G3BP1: variants seen among roughly 807,000 people sequenced by gnomAD.
G3BP1 encodes the protein ras GTPase-activating protein-binding protein 1.
Under a neutral mutation model 58.6 loss-of-function variants are expected in G3BP1, and 35 were observed. The observed-to-expected ratio is 0.60, with a 90% CI of 0.46 to 0.79. The LOEUF (loss-of-function observed/expected upper bound fraction) is 0.79, where lower values mean the gene tolerates loss of function less well. Among genes scored for constraint, G3BP1 ranks in the 30% least tolerant of loss-of-function variants. The pLI is 0.00. For synonymous variants in G3BP1, 191 were observed against 195.4 expected (o/e 0.98, Z 0.19); for missense variants, 523 against 580.8 (o/e 0.90, Z 1.02).
Position 151,790,324 on chromosome 5 carries a change from T to C in G3BP1, c.97T>C (p.Phe33Leu). The change falls in exon 3 of 12, where the codon TTT becomes CTT. Residue 33 changes from phenylalanine (F) to leucine (L), a missense_variant and splice_region_variant. Physicochemically the swap from Phe to Leu is conservative, Grantham distance 22. Around this residue, in one of 2 missense-constraint regions of G3BP1, gnomAD observed 398 missense variants for 399.1 expected, o/e 1.00. Transcript: ENST00000356245. ...LNQAPDMLHR[F>L]YGKNSSYVHG... ...GTAAATCATCTTCCCATTTTACAGA[T>C]TTTATGGAAAGAACTCTTCTTATGT... 6.6e-7 allele frequency: 1 copy of C among 1,521,006 alleles called. No homozygotes were observed. Among genetic ancestry groups the C allele is most frequent in the Non-Finnish European group, 9.0e-7 (1 of 1,115,864 alleles). 94.2% of individuals were successfully genotyped at this position (1,521,006 alleles called of 1,614,324 possible).
intron 1 of G3BP1, among the ~76,000 whole-genome samples, chr5:151,775,849 GT>G (rs891234163): frequency 1.3e-5 from 2 of 152,084 alleles, no homozygotes; most frequent in African/African-American, 2.4e-5. Context: ...GATTCCTGAA[GT>G]TTTTTTTCTT....
rs371814481 is a variant in G3BP1 at position 151,800,018 on chromosome 5, C to T, written c.955+18C>T. 36 of 1,483,602 alleles carry T rather than the reference C, an allele frequency of 2.4e-5. No individual in the cohort carries two copies. Among genetic ancestry groups the T allele is most frequent in the African/African-American group, 2.2e-4 (16 of 72,090 alleles). 91.9% of individuals were successfully genotyped at this position (1,483,602 alleles called of 1,614,324 possible). On this transcript the variant is annotated intron_variant, in intron 9 of 11. Transcript: ENST00000356245. ...CAGACCAAGTAAGAGCTCAGAAGGG[C>T]GATTTCTCGTTTGGGGGATTTTGAG... is the stretch of plus-strand genomic sequence containing the variant.
chr5:151,777,737 A>G (rs1243127208), intron 1 of G3BP1, among the ~76,000 whole-genome samples: 1 of 152,188 alleles, frequency 6.6e-6, no homozygotes, highest in African/African-American at 2.4e-5. Flanking sequence ...AAAAGAAGGT[A>G]TACCCATGAA....
At chr5:151,785,215 C>T (rs1762537510) in intron 1 of G3BP1, among the ~76,000 whole-genome samples, 1 of 152,182 alleles carries the variant, frequency 6.6e-6, no homozygotes, top group African/African-American at 2.4e-5. Flanking sequence ...GCTCAATACA[C>T]ATGCCTGAAG....
rs961411678 is a variant in G3BP1, at chr5:151,805,883, C to G, written c.*1792C>G. The G allele has an allele frequency of 6.6e-6, 1 of 152,118 alleles. No individual in the cohort carries two copies. The highest frequency in any genetic ancestry group is 2.4e-5 in the African/African-American group (1 of 41,394). The allele number at this position is 152,118 out of a possible 1,614,324, so 9.4% of individuals were successfully genotyped here. A position where few individuals can be genotyped will look rare whatever the true frequency, so the allele number is the denominator to read the frequency against. On this transcript the variant is annotated 3_prime_UTR_variant, in exon 12 of 12. Transcript: ENST00000356245. Reference sequence around the variant, plus strand: ...AAAAAAAATTACTTTGTGGTAACTTCAAGGTCATAAATTATGGATAGCCTA... The same window carrying G: ...AAAAAAAATTACTTTGTGGTAACTTGAAGGTCATAAATTATGGATAGCCTA...
chr5:151,788,134 G>A (rs1358863688), intron 2 of G3BP1, among the ~76,000 whole-genome samples: 2 of 151,668 alleles, frequency 1.3e-5, no homozygotes, highest in African/African-American at 2.4e-5. Context: ...GGCTGATCTC[G>A]AACTCCTGGG....
chr5:151,799,388 A>C lies in G3BP1; in HGVS notation c.843+75A>C, dbSNP rs190440385. On this transcript the variant is annotated intron_variant, in intron 8 of 11. Coordinates refer to ENST00000356245, the MANE Select transcript of G3BP1 (RefSeq NM_005754.3). ...GTAATTTGATTCAACAGAGGTTTAGAGAATGTGAAAACTGGTCAGGTGCAG... is the reference window on the plus strand; with the variant it reads ...GTAATTTGATTCAACAGAGGTTTAGCGAATGTGAAAACTGGTCAGGTGCAG... 6.7e-4 allele frequency: 553 copies of C among 823,180 alleles called. 2 individuals carry two copies. The African/African-American group carries it at 8.5e-3, about 13-fold the overall frequency. 51.0% of individuals were successfully genotyped at this position (823,180 alleles called of 1,614,324 possible). A position where few individuals can be genotyped will look rare whatever the true frequency, so the allele number is the denominator to read the frequency against.
At position 151,809,563 on chromosome 5, in the gene G3BP1, A is replaced by C. The variant is rs1762985989; in HGVS notation, c.*5472A>C. The C allele has an allele frequency of 6.6e-6, 1 of 152,208 alleles. No individual in the cohort carries two copies. The highest frequency in any genetic ancestry group is 2.1e-4 in the South Asian group (1 of 4,818). 9.4% of individuals were successfully genotyped at this position (152,208 alleles called of 1,614,324 possible). Reference sequence around the variant, plus strand: ...TTTCTTCTATTTTGGTTATTACCAAAAGGAACAGAGAAACTCTCAGAATTC... The same window carrying C: ...TTTCTTCTATTTTGGTTATTACCAACAGGAACAGAGAAACTCTCAGAATTC... On this transcript the variant is annotated 3_prime_UTR_variant, in exon 12 of 12. Coordinates refer to ENST00000356245, the MANE Select transcript of G3BP1 (RefSeq NM_005754.3).
intron 1 of G3BP1, among the ~76,000 whole-genome samples, chr5:151,782,331 T>G (rs934842942): frequency 1.3e-5 from 2 of 152,212 alleles, no homozygotes; most frequent in Admixed American, 6.5e-5. Flanking sequence ...TTGTTGTCTT[T>G]GAAATGTTTA....
At position 151,804,158 on chromosome 5, in the gene G3BP1, C is replaced by T. The variant is rs1762905439; in HGVS notation, c.*67C>T. 1.1e-5 allele frequency: 13 copies of T among 1,172,396 alleles called. No homozygotes were observed. The highest frequency in any genetic ancestry group is 1.5e-5 in the Non-Finnish European group (12 of 815,174). The allele number at this position is 1,172,396 out of a possible 1,614,324, so 72.6% of individuals were successfully genotyped here. ...AACAGAATGGTGAATTTTCGACAGC[C>T]TTTGGTATCTTGGAGTATGACCCCA... On this transcript the variant is annotated 3_prime_UTR_variant, in exon 12 of 12. Coordinates refer to ENST00000356245, the MANE Select transcript of G3BP1 (RefSeq NM_005754.3).
At position 151,808,182 on chromosome 5, in the gene G3BP1, T is replaced by C. The variant is rs1202127517; in HGVS notation, c.*4091T>C. ...TAATGCCTTTTGGGATTTATATTTG[T>C]TTAATGTTGAGATTCTGGGGACCAT... On this transcript the variant is annotated 3_prime_UTR_variant, in exon 12 of 12. Transcript: ENST00000356245. 1 of 152,210 alleles carries C rather than the reference T, an allele frequency of 6.6e-6. No homozygotes were observed. The highest frequency in any genetic ancestry group is 1.9e-4 in the East Asian group (1 of 5,206). The allele number at this position is 152,210 out of a possible 1,614,324, so 9.4% of individuals were successfully genotyped here.
At chr5:151,784,075 T>TTATTTA (rs985847042) in intron 1 of G3BP1, among the ~76,000 whole-genome samples, 1 of 152,096 alleles carries the variant, frequency 6.6e-6, no homozygotes, top group Non-Finnish European at 1.5e-5. Flanking sequence ...ATTTTTTAAT[T>TTATTTA]TATTTATATT....
intron 5 of G3BP1, among the ~76,000 whole-genome samples, chr5:151,794,593 C>T (rs1762718585): frequency 6.6e-6 from 1 of 152,218 alleles, no homozygotes; most frequent in African/African-American, 2.4e-5. Flanking sequence ...GCATGGGACA[C>T]TGAGTTTAGG....
intron 11 of G3BP1, 47 bp downstream of exon 11, chr5:151,800,916 G>A (rs757536804): frequency 1.1e-6 from 1 of 923,118 alleles, no homozygotes; most frequent in South Asian, 1.4e-5. Context: ...TTTAAAAAGG[G>A]TTTTGGTTCT....
chr5:151,790,429 G>T, intron 3 of G3BP1, 25 bp downstream of exon 3: 2 of 1,338,886 alleles, frequency 1.5e-6, no homozygotes, highest in Non-Finnish European at 2.1e-6. Flanking sequence ...CCTTATTTAG[G>T]CTGTTAAGCA....
At position 151,799,465 on chromosome 5, in the gene G3BP1, C is replaced by T. The variant is rs908751727; in HGVS notation, c.843+152C>T. 9.7e-6 allele frequency: 6 copies of T among 617,710 alleles called. No individual in the cohort carries two copies. In the East Asian group the frequency reaches 1.7e-4, roughly 17 times the overall value. The allele number at this position is 617,710 out of a possible 1,614,324, so 38.3% of individuals were successfully genotyped here. Reference sequence around the variant, plus strand: ...CTTTAGGAGGCTGAAGCCAGCTGATCACTGGAGCCTAGGAGTTTGAAACCA... The same window carrying T: ...CTTTAGGAGGCTGAAGCCAGCTGATTACTGGAGCCTAGGAGTTTGAAACCA... On this transcript the variant is annotated intron_variant, in intron 8 of 11. Transcript: ENST00000356245.
rs553049388 is a variant in G3BP1, at chr5:151,808,072, G to C, written c.*3981G>C. On this transcript the variant is annotated 3_prime_UTR_variant, in exon 12 of 12. Coordinates refer to ENST00000356245, the MANE Select transcript of G3BP1 (RefSeq NM_005754.3). Reference sequence around the variant, plus strand: ...AAAAAAATTAGCAATGTCTTATGTGGGATGAGGGGTTAAGTTAAAGTTGCT... The same window carrying C: ...AAAAAAATTAGCAATGTCTTATGTGCGATGAGGGGTTAAGTTAAAGTTGCT... The C allele has an allele frequency of 2.6e-5, 4 of 152,276 alleles. 1 individual carries two copies. In the South Asian group the frequency reaches 8.3e-4, roughly 32 times the overall value. The allele number at this position is 152,276 out of a possible 1,614,324, so 9.4% of individuals were successfully genotyped here. A position where few individuals can be genotyped will look rare whatever the true frequency, so the allele number is the denominator to read the frequency against.
At chr5:151,791,576 A>G (rs1295917807) in intron 4 of G3BP1, 1 of 158,220 alleles carries the variant, frequency 6.3e-6, no homozygotes, top group Admixed American at 6.0e-5. Flanking sequence ...AGTGCTTCAC[A>G]TTAGGCATAT....
At chr5:151,783,550 T>G (rs1457543048) in intron 1 of G3BP1, among the ~76,000 whole-genome samples, 1 of 151,740 alleles carries the variant, frequency 6.6e-6, no homozygotes, top group Admixed American at 6.6e-5. Context: ...CCACCATGCC[T>G]GGCTAATTTT....
Sources: allele counts gnomAD v4.1 joint callset (sites outside exome capture counted in the v4.1 genomes callset), GRCh38; gene constraint gnomAD v4.1.1; regional missense constraint gnomAD v4.1.1; transcripts MANE v1.5; gene names NCBI Gene and HGNC (gene_info 2026-07-23, HGNC 2026-07-21).